Variants in DGKB observed in about 807,000 individuals in gnomAD.
DGKB encodes the protein diacylglycerol kinase beta.
In DGKB, 67 loss-of-function variants were observed where a neutral mutation model predicts 114.3. That is an observed-to-expected ratio of 0.59 (90% confidence interval 0.48 to 0.72). DGKB has a LOEUF of 0.72. DGKB is among the 30% of genes least tolerant of loss of function. The pLI is 0.00. For synonymous variants in DGKB, 398 were observed against 323.1 expected (o/e 1.23, Z -2.49); for missense variants, 907 against 975.2 (o/e 0.93, Z 0.93).
intron 21 of DGKB, among the ~76,000 whole-genome samples, chr7:14,370,106 CTTGAG>C (rs1456157653): frequency 1.3e-5 from 2 of 152,098 alleles, no homozygotes; most frequent in Non-Finnish European, 2.9e-5. Context: ...TTTAATCCAT[CTTGAG>C]TTAATTTTTG....
chr7:14,950,032 C>T (rs1377332434), intron 1 of DGKB, among the ~76,000 whole-genome samples: 3 of 151,794 alleles, frequency 2.0e-5, no homozygotes, highest in Admixed American at 1.3e-4. Flanking sequence ...AGCACACCAA[C>T]ATGGCACACG....
chr7:14,966,163 T>C (rs1190211057), intron 1 of DGKB, among the ~76,000 whole-genome samples: 1 of 152,134 alleles, frequency 6.6e-6, no homozygotes, highest in Non-Finnish European at 1.5e-5. Flanking sequence ...ATGCTAACAA[T>C]TTCCTTCTCC....
chr7:14,654,175 G>A (rs1426998258), intron 13 of DGKB, among the ~76,000 whole-genome samples: 3 of 151,868 alleles, frequency 2.0e-5, no homozygotes, highest in Non-Finnish European at 4.4e-5. Flanking sequence ...TAAGAAATGA[G>A]TTTAATAAAG....
chr7:14,305,142 A>G (rs1159328173), intron 23 of DGKB, among the ~76,000 whole-genome samples: 1 of 152,168 alleles, frequency 6.6e-6, no homozygotes, highest in Non-Finnish European at 1.5e-5. Context: ...GGAACATTAA[A>G]AATCTTCTCT....
intron 1 of DGKB, among the ~76,000 whole-genome samples, chr7:14,963,254 G>T (rs562198669): frequency 6.6e-6 from 1 of 152,198 alleles, no homozygotes; most frequent in African/African-American, 2.4e-5. Flanking sequence ...CTAAATAGTT[G>T]CTCTGGAAAC....
At chr7:14,874,023 A>G (rs941627217) in intron 1 of DGKB, among the ~76,000 whole-genome samples, 1 of 152,100 alleles carries the variant, frequency 6.6e-6, no homozygotes, top group African/African-American at 2.4e-5. Flanking sequence ...ATTTTTAGTA[A>G]CAGTAATCTG....
chr7:14,682,098 C>T (rs1414207822), intron 12 of DGKB, among the ~76,000 whole-genome samples: 1 of 152,044 alleles, frequency 6.6e-6, no homozygotes, highest in African/African-American at 2.4e-5. Context: ...ATCATTGAAG[C>T]TCATTGTTCA....
At chr7:14,752,559 G>A (rs960336469) in intron 4 of DGKB, among the ~76,000 whole-genome samples, 2 of 152,148 alleles carry the variant, frequency 1.3e-5, no homozygotes, top group Non-Finnish European at 2.9e-5. Context: ...AATATGTGCA[G>A]GCTGTCATTC....
At position 14,580,964 on chromosome 7, in the gene DGKB, A is replaced by C. The variant is rs1431304319; in HGVS notation, c.1520-13T>G. 6.4e-7 allele frequency: 1 copy of C among 1,562,786 alleles called. No individual in the cohort carries two copies. The highest frequency in any genetic ancestry group is 8.7e-7 in the Non-Finnish European group (1 of 1,150,690). On this transcript the variant is annotated splice_polypyrimidine_tract_variant and intron_variant, in intron 18 of 25. Transcript: ENST00000402815. The stretch of plus-strand genomic sequence containing the variant: ...ACATTGGCCTTTTCTGCAGAATAAA[A>C]AAAAATACAAATAAAGAAAATTTTA...
At chr7:14,361,615 CAGTACATTCA>C (rs1166134838) in intron 21 of DGKB, among the ~76,000 whole-genome samples, 4 of 151,828 alleles carry the variant, frequency 2.6e-5, no homozygotes, top group African/African-American at 7.2e-5. Flanking sequence ...ATCATTTTGC[CAGTACATTCA>C]AGTACATGTT....
Position 14,176,860 on chromosome 7 carries a change from T to C in DGKB, c.2283A>G (p.Pro761=), listed in dbSNP as rs1286757338. Residue 761 remains proline (P), a synonymous_variant, in exon 25 of 26, where the codon CCA becomes CCG. Transcript: ENST00000402815. ...TCACTGTGCATGGGGTCTGCATCCA[T>C]GGCTCCCCATCAATTTGCATTGGCA... ...KSLPMQIDGE[P]WMQTPCTIKI... 4 of 1,613,732 alleles carry C rather than the reference T, an allele frequency of 2.5e-6. No individual in the cohort carries two copies. The highest frequency in any genetic ancestry group is 3.4e-6 in the Non-Finnish European group (4 of 1,179,760).
chr7:14,811,536 G>A (rs5014691), intron 2 of DGKB, among the ~76,000 whole-genome samples: 62,575 of 152,002 alleles, frequency 0.41, 14,630 homozygotes, highest in African/African-American at 0.64. Flanking sequence ...AATTATTCAA[G>A]TTATTCAACG....
At chr7:14,957,559 G>C (rs1786583776) in intron 1 of DGKB, among the ~76,000 whole-genome samples, 1 of 151,974 alleles carries the variant, frequency 6.6e-6, no homozygotes, top group Non-Finnish European at 1.5e-5. Context: ...CCTGAGGCTA[G>C]CTTTTGTGCA....
intron 21 of DGKB, among the ~76,000 whole-genome samples, chr7:14,368,021 A>G (rs1319276036): frequency 6.6e-6 from 1 of 152,068 alleles, no homozygotes; most frequent in Admixed American, 6.6e-5. Context: ...CATTTTTGAC[A>G]TGATATTTTC....
At chr7:14,695,884 A>G (rs1425016862) in intron 8 of DGKB, among the ~76,000 whole-genome samples, 1 of 152,062 alleles carries the variant, frequency 6.6e-6, no homozygotes, top group Non-Finnish European at 1.5e-5. Flanking sequence ...GAACTACTGA[A>G]GCCTTAGGCA....
intron 1 of DGKB, among the ~76,000 whole-genome samples, chr7:14,854,675 C>A (rs1479856538): frequency 6.6e-6 from 1 of 152,162 alleles, no homozygotes; most frequent in African/African-American, 2.4e-5. Context: ...TGCTGTGCAG[C>A]CCGGTTCCTA....
chr7:14,622,818 T>C (rs1807902784), intron 14 of DGKB, among the ~76,000 whole-genome samples: 1 of 152,146 alleles, frequency 6.6e-6, no homozygotes, highest in Admixed American at 6.6e-5. Context: ...ACAATCATGC[T>C]TTAAATTCAG....
At chr7:14,408,191 G>A (rs1445964354) in intron 21 of DGKB, among the ~76,000 whole-genome samples, 1 of 152,048 alleles carries the variant, frequency 6.6e-6, no homozygotes, top group Non-Finnish European at 1.5e-5. Context: ...TGAAGTTTTG[G>A]TCTCTGAGGA....
At chr7:14,529,765 C>T (rs1281157074) in intron 20 of DGKB, among the ~76,000 whole-genome samples, 1 of 151,712 alleles carries the variant, frequency 6.6e-6, no homozygotes, top group Non-Finnish European at 1.5e-5. Flanking sequence ...GTCCATGAAA[C>T]AAAATACACT....
Sources: allele counts gnomAD v4.1 joint callset (sites outside exome capture counted in the v4.1 genomes callset), GRCh38; gene constraint gnomAD v4.1.1; transcripts MANE v1.5; gene names NCBI Gene and HGNC (gene_info 2026-07-23, HGNC 2026-07-21).